The following RALY variants were observed in gnomAD, a reference collection of about 807,000 sequenced individuals.
RALY encodes the protein RNA-binding protein Raly.
Under a neutral mutation model 30.7 loss-of-function variants are expected in RALY, and 15 were observed. That is an observed-to-expected ratio of 0.49 (90% CI 0.33 to 0.75). The LOEUF (loss-of-function observed/expected upper bound fraction) is 0.75. RALY is among the 30% of genes least tolerant of loss of function. The probability of loss-of-function intolerance (pLI) is 0.02; values close to 1 mark genes in which losing one functional copy is unlikely to be tolerated. For missense variants in RALY, 339 were observed against 414.3 expected, an observed-to-expected ratio of 0.82 and a Z score of 1.58; for synonymous variants, 177 against 170.8, an observed-to-expected ratio of 1.04 and a Z score of -0.28.
chr20:34,046,456 T>C lies in RALY; in HGVS notation c.-10+14852T>C, dbSNP rs1334978790. On this transcript the variant is annotated intron_variant, in intron 2 of 9. Coordinates refer to ENST00000246194, the MANE Select transcript of RALY (RefSeq NM_016732.3). ...TTTAAGGTATTGTATGTGTACATAC[T>C]TTAAGCATTGGGTAAAGAGAAACTC... Among the ~76,000 whole-genome samples the C allele has an allele frequency of 2.0e-5, 3 of 152,296 alleles. No homozygotes were observed. In the East Asian group the frequency reaches 5.8e-4, roughly 29 times the overall value.
At chr20:34,037,554 T>C (rs1195369021) in intron 2 of RALY, among the ~76,000 whole-genome samples, 2 of 152,224 alleles carry the variant, frequency 1.3e-5, no homozygotes, top group African/African-American at 4.8e-5. Flanking sequence ...AACATTGAGA[T>C]AGGAGGGGCT....
intron 2 of RALY, among the ~76,000 whole-genome samples, chr20:34,066,222 C>CTTA (rs2033567689): frequency 1.4e-5 from 2 of 139,076 alleles, no homozygotes; most frequent in Non-Finnish European, 3.0e-5. Flanking sequence ...GGTGCAGTGG[C>CTTA]TTATGCCTGT....
intron 1 of RALY, among the ~76,000 whole-genome samples, chr20:34,005,960 A>G (rs1009735952): frequency 6.6e-6 from 1 of 152,088 alleles, no homozygotes; most frequent in African/African-American, 2.4e-5. Flanking sequence ...ATAATATTTC[A>G]TTGTCTGGAT....
In RALY at chr20:34,084,415, C is replaced by CA. The variant is rs1601524604; in HGVS notation, c.*4514dup. 6.6e-6 allele frequency: 1 copy of CA among 152,248 alleles called. No individual in the cohort carries two copies. Among genetic ancestry groups the CA allele is most frequent in the African/African-American group, 2.4e-5 (1 of 41,452 alleles). The allele number at this position is 152,248 out of a possible 1,614,324, so 9.4% of individuals were successfully genotyped here. On this transcript the variant is annotated 3_prime_UTR_variant, in exon 10 of 10. Transcript: ENST00000246194. Reference sequence around the variant, plus strand: ...ATAGAGGGACAGAGGGGAGAATCCCCAAAAGGAGAGCAAGGCTTGGCTAAC... The same window carrying CA: ...ATAGAGGGACAGAGGGGAGAATCCCCAAAAAGGAGAGCAAGGCTTGGCTAAC...
At chr20:34,023,718 G>A (rs2031915110) in intron 1 of RALY, among the ~76,000 whole-genome samples, 1 of 152,056 alleles carries the variant, frequency 6.6e-6, no homozygotes, top group Non-Finnish European at 1.5e-5. Flanking sequence ...ATATGCTGGA[G>A]TATCACAAGA....
At chr20:34,050,486 C>G (rs551801152) in intron 2 of RALY, among the ~76,000 whole-genome samples, 1 of 152,324 alleles carries the variant, frequency 6.6e-6, no homozygotes, top group East Asian at 1.9e-4. Context: ...CTGCCAGAAA[C>G]TAGAGGGAGC....
chr20:34,063,949 G>C (rs11697502), intron 2 of RALY, among the ~76,000 whole-genome samples: 5 of 151,916 alleles, frequency 3.3e-5, no homozygotes, highest in Non-Finnish European at 7.4e-5. Context: ...GGTAGATGTC[G>C]CCTGCTGGAT....
chr20:34,003,250 A>G (rs927827557), intron 1 of RALY, among the ~76,000 whole-genome samples: 14 of 151,936 alleles, frequency 9.2e-5, no homozygotes, highest in African/African-American at 3.1e-4. Flanking sequence ...TTGAAGTTCC[A>G]TTTTCTCATC....
intron 2 of RALY, among the ~76,000 whole-genome samples, chr20:34,064,651 GC>G: frequency 6.6e-6 from 1 of 152,158 alleles, no homozygotes. Context: ...TTACTCTCAG[GC>G]AAAGTGTGAT....
chr20:34,022,195 C>T (rs6088378), intron 1 of RALY, among the ~76,000 whole-genome samples: 4 of 151,508 alleles, frequency 2.6e-5, no homozygotes, highest in East Asian at 3.9e-4. Context: ...TGCCAAACTG[C>T]TGGGTTTATA....
At chr20:34,078,690 C>A in intron 9 of RALY, 137 bp downstream of exon 9, 1 of 740,718 alleles carries the variant, frequency 1.4e-6, no homozygotes, top group Non-Finnish European at 2.0e-6. Flanking sequence ...GAATGAAGTC[C>A]CCTCCATATC....
At chr20:34,007,924 A>G (rs2031235995) in intron 1 of RALY, among the ~76,000 whole-genome samples, 1 of 151,912 alleles carries the variant, frequency 6.6e-6, no homozygotes, top group Admixed American at 6.6e-5. Flanking sequence ...GATAATACCC[A>G]TATGAGTAAG....
At position 34,084,047 on chromosome 20, in the gene RALY, T is replaced by C. The variant is rs1417590257; in HGVS notation, c.*4142T>C. 6.6e-6 allele frequency: 1 copy of C among 152,196 alleles called. No individual in the cohort carries two copies. The highest frequency in any genetic ancestry group is 2.4e-5 in the African/African-American group (1 of 41,446). 9.4% of individuals were successfully genotyped at this position (152,196 alleles called of 1,614,324 possible). On this transcript the variant is annotated 3_prime_UTR_variant, in exon 10 of 10. Coordinates refer to ENST00000246194, the MANE Select transcript of RALY (RefSeq NM_016732.3). Reference sequence around the variant, plus strand: ...CAGTAGGTGTAGTAAGGACTTCTGGTTACAAGTTACAGAAACTGAATTCAG... The same window carrying C: ...CAGTAGGTGTAGTAAGGACTTCTGGCTACAAGTTACAGAAACTGAATTCAG...
chr20:34,020,291 T>C (rs1014948453), intron 1 of RALY, among the ~76,000 whole-genome samples: 1 of 152,176 alleles, frequency 6.6e-6, no homozygotes, highest in African/African-American at 2.4e-5. Flanking sequence ...GGAGGAATCA[T>C]TGGCAAAGAC....
chr20:34,011,359 TA>T (rs2031392219), intron 1 of RALY, among the ~76,000 whole-genome samples: 1 of 152,202 alleles, frequency 6.6e-6, no homozygotes, highest in African/African-American at 2.4e-5. Context: ...CTAATTTTTT[TA>T]AAAGTGAGAT....
chr20:34,000,948 T>A (rs1195496813), intron 1 of RALY, among the ~76,000 whole-genome samples: 1 of 152,236 alleles, frequency 6.6e-6, no homozygotes, highest in African/African-American at 2.4e-5. Flanking sequence ...TTTCTACCTT[T>A]TTACAGTTTT....
At chr20:34,079,138 G>C (rs2033975544) in intron 9 of RALY, among the ~76,000 whole-genome samples, 2 of 152,192 alleles carry the variant, frequency 1.3e-5, no homozygotes, top group Non-Finnish European at 1.5e-5. Flanking sequence ...CTTAGGGGCT[G>C]GGATTTGATT....
rs540607014 is a variant in RALY at position 34,072,636 on chromosome 20, G to A, written c.256+306G>A. Among the ~76,000 whole-genome samples, 138 of 152,328 alleles carry A rather than the reference G, an allele frequency of 9.1e-4. 3 individuals are homozygous for A. The highest frequency in any genetic ancestry group is 8.3e-3 in the Admixed American group (127 of 15,304). On this transcript the variant is annotated intron_variant, in intron 3 of 9. Transcript: ENST00000246194. ...AGAACAGAGTGGCCTAGAACAGCCTGTTACACCGGGTACAGATGACTTAGG... is the reference window on the plus strand; with the variant it reads ...AGAACAGAGTGGCCTAGAACAGCCTATTACACCGGGTACAGATGACTTAGG...
chr20:34,058,114 T>C (rs1383461292), intron 2 of RALY, among the ~76,000 whole-genome samples: 2 of 152,112 alleles, frequency 1.3e-5, no homozygotes, highest in Non-Finnish European at 2.9e-5. Flanking sequence ...GTTAATTCTT[T>C]CTAAGACAAT....
Sources: gnomAD v4.1 joint callset for allele counts (sites outside exome capture counted in the v4.1 genomes callset) on GRCh38, gnomAD v4.1.1 for gene constraint, MANE v1.5 for transcripts, NCBI Gene and HGNC (gene_info 2026-07-23, HGNC 2026-07-21) for gene names.